The following NRXN1 variants were observed in gnomAD, a reference collection of about 807,000 sequenced individuals.
The protein encoded by NRXN1 is neurexin 1.
A neutral mutation model predicts 150.9 loss-of-function variants in NRXN1; 39 were observed. The observed-to-expected ratio is 0.26, with a 90% CI of 0.20 to 0.34. The LOEUF (loss-of-function observed/expected upper bound fraction) is 0.34, where lower values mean the gene tolerates loss of function less well. Among genes scored for constraint, NRXN1 ranks in the 10% least tolerant of loss-of-function variants. NRXN1 has a pLI of 1.00. For synonymous variants in NRXN1, 924 were observed against 757.0 expected (o/e 1.22, Z -3.62); for missense variants, 1,815 against 1,949.9 (o/e 0.93, Z 1.30).
intron 5 of NRXN1, among the ~76,000 whole-genome samples, chr2:50,758,582 A>G (rs1236324610): frequency 1.3e-5 from 2 of 151,880 alleles, no homozygotes; most frequent in Non-Finnish European, 2.9e-5. Context: ...AGCTGGGACT[A>G]AAAGTGCCCA....
chr2:50,486,816 T>C (rs2090907395), intron 15 of NRXN1, among the ~76,000 whole-genome samples: 1 of 152,136 alleles, frequency 6.6e-6, no homozygotes, highest in Non-Finnish European at 1.5e-5. Context: ...GGCCTAAATA[T>C]TGCCAACACC....
intron 2 of NRXN1, among the ~76,000 whole-genome samples, chr2:50,970,756 A>G (rs912100930): frequency 6.6e-6 from 1 of 152,016 alleles, no homozygotes; most frequent in African/African-American, 2.4e-5. Context: ...GTGGGACTCT[A>G]TTATTGAATA....
intron 2 of NRXN1, among the ~76,000 whole-genome samples, chr2:50,966,508 G>T (rs1269778300): frequency 6.6e-6 from 1 of 151,646 alleles, no homozygotes; most frequent in Admixed American, 6.6e-5. Flanking sequence ...CTCTGGAAAA[G>T]AGCACAATCT....
chr2:50,867,573 T>A (rs976443134), intron 5 of NRXN1, among the ~76,000 whole-genome samples: 2 of 151,880 alleles, frequency 1.3e-5, no homozygotes, highest in African/African-American at 4.8e-5. Flanking sequence ...AAACCTTTTT[T>A]TTTTCCTGCT....
At chr2:50,516,940 C>T (rs943068591) in intron 12 of NRXN1, among the ~76,000 whole-genome samples, 29 of 152,092 alleles carry the variant, frequency 1.9e-4, no homozygotes, top group African/African-American at 7.0e-4. Context: ...ATTTTATAAA[C>T]TTTAAAAAAT....
intron 5 of NRXN1, among the ~76,000 whole-genome samples, chr2:50,843,388 T>C (rs1328776892): frequency 1.3e-5 from 2 of 152,162 alleles, no homozygotes; most frequent in African/African-American, 2.4e-5. Flanking sequence ...GTTTTCCTGA[T>C]AGAAAAAAAC....
chr2:50,248,968 A>C (rs2066772121), intron 17 of NRXN1, among the ~76,000 whole-genome samples: 1 of 151,168 alleles, frequency 6.6e-6, no homozygotes, highest in Non-Finnish European at 1.5e-5. Context: ...GCAACATAGC[A>C]AGATCCTGTC....
intron 2 of NRXN1, among the ~76,000 whole-genome samples, chr2:50,946,229 G>A (rs1217356775): frequency 3.9e-5 from 6 of 152,028 alleles, no homozygotes; most frequent in South Asian, 2.1e-4. Flanking sequence ...TGCATACGAC[G>A]CTATGAACAT....
chr2:50,489,408 C>T (rs13402266), intron 15 of NRXN1, among the ~76,000 whole-genome samples: 7,973 of 151,764 alleles, frequency 0.053, 749 homozygotes, highest in African/African-American at 0.18. Context: ...TGAATCCACA[C>T]AAAGGTGCAG....
intron 21 of NRXN1, among the ~76,000 whole-genome samples, chr2:49,960,501 T>G (rs867887025): frequency 3.9e-5 from 6 of 152,188 alleles, no homozygotes; most frequent in Middle Eastern, 3.2e-3. Flanking sequence ...ATAAAAATGT[T>G]CCACTGAATA....
chr2:50,471,874 G>A (rs1341926322), intron 16 of NRXN1, among the ~76,000 whole-genome samples: 1 of 151,378 alleles, frequency 6.6e-6, no homozygotes, highest in Non-Finnish European at 1.5e-5. Context: ...TGTACCCCCT[G>A]GACTTAAAAT....
At chr2:50,359,416 G>T (rs573642528) in intron 17 of NRXN1, among the ~76,000 whole-genome samples, 27 of 151,532 alleles carry the variant, frequency 1.8e-4, no homozygotes, top group African/African-American at 6.5e-4. Context: ...GAACATAAAT[G>T]ACCTGATGGA....
intron 17 of NRXN1, among the ~76,000 whole-genome samples, chr2:50,395,703 C>A (rs1352943282): frequency 6.6e-6 from 1 of 152,124 alleles, no homozygotes; most frequent in Non-Finnish European, 1.5e-5. Flanking sequence ...AGCACTATAT[C>A]ATATAAGTTC....
rs542860470 is a variant in NRXN1 at position 50,147,144 on chromosome 2, G to A, written c.3547-55650C>T. 3.3e-5 allele frequency among the ~76,000 whole-genome samples: 5 copies of A among 151,804 alleles called. No homozygotes were observed. In the South Asian group the frequency reaches 1.0e-3, roughly 31 times the overall value. On this transcript the variant is annotated intron_variant, in intron 18 of 22. Transcript: ENST00000401669. ...CCTCTCACATCTGGGATCATCAGGA[G>A]GTCAGAGTTTCAGCAAGCATTGCAG...
chr2:50,354,345 G>T (rs578090301), intron 17 of NRXN1, among the ~76,000 whole-genome samples: 10 of 151,752 alleles, frequency 6.6e-5, no homozygotes, highest in African/African-American at 2.4e-4. Context: ...ACTACACTAG[G>T]GTTCAATTCT....
chr2:50,463,130 T>C (rs1272440773), intron 17 of NRXN1, among the ~76,000 whole-genome samples: 2 of 151,816 alleles, frequency 1.3e-5, no homozygotes, highest in Non-Finnish European at 2.9e-5. Flanking sequence ...AAGGAGTTTG[T>C]TAAAACCCCA....
At chr2:50,036,199 C>T (rs766840436) in intron 21 of NRXN1, among the ~76,000 whole-genome samples, 1 of 152,070 alleles carries the variant, frequency 6.6e-6, no homozygotes, top group African/African-American at 2.4e-5. Context: ...GAGGTCTCCC[C>T]CATCTTGTTC....
chr2:50,670,596 T>C (rs562514603), intron 5 of NRXN1, among the ~76,000 whole-genome samples: 1 of 151,964 alleles, frequency 6.6e-6, no homozygotes, highest in Admixed American at 6.6e-5. Flanking sequence ...ATTACAGACT[T>C]TATGTGGACT....
At chr2:50,074,291 T>C (rs866491297) in intron 19 of NRXN1, among the ~76,000 whole-genome samples, 29 of 152,152 alleles carry the variant, frequency 1.9e-4, no homozygotes, top group South Asian at 1.9e-3. Context: ...TTAGTAGCCA[T>C]AGAAGGAAGA....
Sources: allele counts gnomAD v4.1 joint callset (sites outside exome capture counted in the v4.1 genomes callset), GRCh38; gene constraint gnomAD v4.1.1; transcripts MANE v1.5; gene names NCBI Gene and HGNC (gene_info 2026-07-23, HGNC 2026-07-21).